The following NRCAM variants were observed in gnomAD, a reference collection of about 807,000 sequenced individuals.
NRCAM encodes neuronal cell adhesion molecule.
Under a neutral mutation model 156.5 loss-of-function variants are expected in NRCAM, and 83 were observed. The observed-to-expected ratio is 0.53, with a 90% CI of 0.44 to 0.64. NRCAM has a LOEUF of 0.64. Among genes scored for constraint, NRCAM ranks in the 30% least tolerant of loss-of-function variants. NRCAM has a pLI of 0.00. For synonymous variants in NRCAM, 538 were observed against 563.9 expected (o/e 0.95, Z 0.65); for missense variants, 1,417 against 1,597.3 (o/e 0.89, Z 1.92).
intron 2 of NRCAM, among the ~76,000 whole-genome samples, chr7:108,351,717 A>G (rs2099413786): frequency 1.3e-5 from 2 of 152,260 alleles, no homozygotes; most frequent in Non-Finnish European, 2.9e-5. Context: ...TATTAAGATG[A>G]AACAAGAATT....
chr7:108,332,157 C>A (rs1275146384), intron 2 of NRCAM, among the ~76,000 whole-genome samples: 1 of 152,188 alleles, frequency 6.6e-6, no homozygotes, highest in African/African-American at 2.4e-5. Context: ...TCATCTGTTT[C>A]TGTAAATACT....
At chr7:108,287,349 G>C (rs976490886) in intron 3 of NRCAM, among the ~76,000 whole-genome samples, 1 of 151,958 alleles carries the variant, frequency 6.6e-6, no homozygotes, top group Non-Finnish European at 1.5e-5. Context: ...AAACTAAAAA[G>C]CTTCTGCACA....
chr7:108,429,768 A>G (rs774921881), intron 1 of NRCAM, among the ~76,000 whole-genome samples: 15 of 152,324 alleles, frequency 9.8e-5, no homozygotes, highest in Non-Finnish European at 2.1e-4. Flanking sequence ...TTAAACTTCC[A>G]CTGGGGAGAG....
chr7:108,169,503 T>C (rs1435477673), intron 28 of NRCAM, among the ~76,000 whole-genome samples: 1 of 152,204 alleles, frequency 6.6e-6, no homozygotes, highest in Non-Finnish European at 1.5e-5. Context: ...TTCAAATAAA[T>C]GTAATAAAAT....
At chr7:108,222,345 C>T (rs17155196) in intron 11 of NRCAM, among the ~76,000 whole-genome samples, 36,130 of 152,102 alleles carry the variant, frequency 0.24, 4,522 homozygotes, top group Non-Finnish European at 0.27. Flanking sequence ...CAATCTTGGT[C>T]TTACAACACT....
At chr7:108,301,120 T>C (rs1457329867) in intron 3 of NRCAM, among the ~76,000 whole-genome samples, 1 of 152,230 alleles carries the variant, frequency 6.6e-6, no homozygotes, top group Non-Finnish European at 1.5e-5. Flanking sequence ...TAAATTGTAA[T>C]GAATTCTCTA....
intron 28 of NRCAM, among the ~76,000 whole-genome samples, chr7:108,169,253 A>T (rs1256810397): frequency 2.0e-5 from 3 of 152,364 alleles, no homozygotes; most frequent in East Asian, 1.9e-4. Context: ...ATCTAAAGTC[A>T]TTAAAAAATG....
intron 3 of NRCAM, among the ~76,000 whole-genome samples, chr7:108,250,649 A>G (rs1183272948): frequency 1.3e-5 from 2 of 151,114 alleles, no homozygotes; most frequent in Admixed American, 6.6e-5. Context: ...GTTATTAGGT[A>G]CAAAAAAAAA....
intron 26 of NRCAM, among the ~76,000 whole-genome samples, chr7:108,177,090 T>C (rs2060789694): frequency 6.6e-6 from 1 of 152,226 alleles, no homozygotes; most frequent in Admixed American, 6.5e-5. Context: ...ATAGACATCA[T>C]TTTTCTTTAA....
intron 3 of NRCAM, among the ~76,000 whole-genome samples, chr7:108,275,206 T>G (rs1005248010): frequency 6.6e-6 from 1 of 152,166 alleles, no homozygotes; most frequent in Non-Finnish European, 1.5e-5. Context: ...TCTCTTTTTT[T>G]GCTGTGTCTC....
chr7:108,431,776 T>A (rs1305619969), intron 1 of NRCAM, among the ~76,000 whole-genome samples: 1 of 152,250 alleles, frequency 6.6e-6, no homozygotes, highest in East Asian at 1.9e-4. Context: ...TAAAGCGAGA[T>A]GCTGTCTCAA....
chr7:108,365,665 T>C lies in NRCAM; in HGVS notation c.-174+33771A>G, dbSNP rs1001843718. Among the ~76,000 whole-genome samples, 3 of 152,218 alleles carry C rather than the reference T, an allele frequency of 2.0e-5. No individual in the cohort carries two copies. In the East Asian group the frequency reaches 5.8e-4, roughly 29 times the overall value. On this transcript the variant is annotated intron_variant, in intron 2 of 32. Transcript: ENST00000379028. ...ACACAGCTAAAACATACAAACAGCA[T>C]GCCCTTCTTGGTTCCACATAAGAAA...
intron 2 of NRCAM, among the ~76,000 whole-genome samples, chr7:108,356,806 CATT>C (rs2099504331): frequency 6.6e-6 from 1 of 152,130 alleles, no homozygotes; most frequent in South Asian, 2.1e-4. Flanking sequence ...ATGAAGGCAT[CATT>C]ATTTTGTGTT....
chr7:108,346,829 T>C (rs932054283), intron 2 of NRCAM, among the ~76,000 whole-genome samples: 2 of 152,038 alleles, frequency 1.3e-5, no homozygotes, highest in African/African-American at 4.8e-5. Flanking sequence ...TACATACATG[T>C]TTGGATTTTG....
intron 2 of NRCAM, among the ~76,000 whole-genome samples, chr7:108,323,042 T>C (rs932523795): frequency 6.6e-6 from 1 of 152,206 alleles, no homozygotes; most frequent in African/African-American, 2.4e-5. Context: ...GTATAAATGT[T>C]ACCGGTGTTA....
intron 2 of NRCAM, chr7:108,313,103 A>T (rs2098826234): frequency 6.6e-6 from 1 of 152,078 alleles, no homozygotes; most frequent in Non-Finnish European, 1.5e-5. Flanking sequence ...TTTATTTGGT[A>T]GCATAGAAAT....
chr7:108,446,993 G>T (rs1403305570), intron 1 of NRCAM, among the ~76,000 whole-genome samples: 3 of 152,086 alleles, frequency 2.0e-5, no homozygotes, highest in Middle Eastern at 3.4e-3. Flanking sequence ...GCCTCCCAAA[G>T]TGCTGGGATT....
At chr7:108,316,688 G>A (rs1424074360) in intron 2 of NRCAM, among the ~76,000 whole-genome samples, 1 of 151,942 alleles carries the variant, frequency 6.6e-6, no homozygotes, top group East Asian at 1.9e-4. Context: ...AGGAGGTTGA[G>A]GCAGAACAAT....
chr7:108,342,469 C>T (rs981926723), intron 2 of NRCAM, among the ~76,000 whole-genome samples: 1 of 152,186 alleles, frequency 6.6e-6, no homozygotes, highest in Non-Finnish European at 1.5e-5. Context: ...AATAGCTAGG[C>T]CATTATATAC....
Sources: gnomAD v4.1 joint callset for allele counts (sites outside exome capture counted in the v4.1 genomes callset) on GRCh38, gnomAD v4.1.1 for gene constraint, MANE v1.5 for transcripts, NCBI Gene and HGNC (gene_info 2026-07-23, HGNC 2026-07-21) for gene names.